Variants in AKT3 observed in about 807,000 individuals in gnomAD.
The protein encoded by AKT3 is AKT serine/threonine kinase 3.
In AKT3, 15 loss-of-function variants were observed where a neutral mutation model predicts 65.3. The observed-to-expected ratio is 0.23, with a 90% confidence interval of 0.15 to 0.35. The LOEUF is 0.35. AKT3 is among the 10% of genes least tolerant of loss of function. The pLI is 1.00. For synonymous variants in AKT3, 206 were observed against 183.8 expected, an observed-to-expected ratio of 1.12 and a Z score of -0.98; for missense variants, 243 against 576.5, an observed-to-expected ratio of 0.42 and a Z score of 5.92.
intron 10 of AKT3, among the ~76,000 whole-genome samples, chr1:243,560,003 G>A (rs779249158): frequency 2.0e-5 from 3 of 152,026 alleles, no homozygotes; most frequent in Admixed American, 6.6e-5. Context: ...TCACAGTATC[G>A]CCTTGCTCTC....
At chr1:243,579,595 T>C (rs1675188130) in intron 8 of AKT3, among the ~76,000 whole-genome samples, 1 of 152,196 alleles carries the variant, frequency 6.6e-6, no homozygotes, top group African/African-American at 2.4e-5. Context: ...TAATACACCA[T>C]TCCTTTAAAA....
rs192440210 is a variant in AKT3, at chr1:243,782,772, A to G, written c.46+60353T>C. ...CTTTAACACCATACACAATACACGT[A>G]TGGGCACTCACGCATGCACACATAC... is the stretch of plus-strand genomic sequence containing the variant. On this transcript the variant is annotated intron_variant, in intron 2 of 13. Coordinates refer to ENST00000673466, the MANE Select transcript of AKT3 (RefSeq NM_005465.7). 2.0e-4 allele frequency among the ~76,000 whole-genome samples: 31 copies of G among 152,298 alleles called. No homozygotes were observed. The East Asian group carries it at 6.0e-3, about 29-fold the overall frequency.
chr1:243,802,811 T>A (rs893703480), intron 2 of AKT3, among the ~76,000 whole-genome samples: 9 of 152,156 alleles, frequency 5.9e-5, no homozygotes, highest in African/African-American at 2.2e-4. Flanking sequence ...TTCATTCACA[T>A]CCAGTGCTTT....
chr1:243,651,085 G>C lies in AKT3; in HGVS notation c.285-5048C>G, dbSNP rs188292057. ...GTGTCCTCTTATTTCCTTGAGCAGT[G>C]GTTTGTAGTTCTCCTTGAAGAGGTC... On this transcript the variant is annotated intron_variant, in intron 4 of 13. Coordinates refer to ENST00000673466, the MANE Select transcript of AKT3 (RefSeq NM_005465.7). Among the ~76,000 whole-genome samples, 245 of 152,202 alleles carry C rather than the reference G, an allele frequency of 1.6e-3. 1 individual carries two copies. Among genetic ancestry groups the C allele is most frequent in the Non-Finnish European group, 2.8e-3 (191 of 68,006 alleles).
At chr1:243,850,595 C>G (rs1211389123), upstream of AKT3, among the ~76,000 whole-genome samples, 6 of 151,442 alleles carry the variant, frequency 4.0e-5, no homozygotes, top group African/African-American at 1.5e-4. Context: ...GATCGGTTCT[C>G]GCCGTCGCCG....
chr1:243,495,243 G>A (rs562875446), downstream of AKT3, among the ~76,000 whole-genome samples: 33 of 152,364 alleles, frequency 2.2e-4, no homozygotes, highest in African/African-American at 7.2e-4. Context: ...TGGCCTGTGC[G>A]GGGCCGCCTC....
rs983264390 is a variant in AKT3 at position 243,649,227 on chromosome 1, G to A, written c.285-3190C>T. ...CTGTTATTGATTTCTAATTAATTCT[G>A]TGGATTACAGAACATACACCATATA... On this transcript the variant is annotated intron_variant, in intron 4 of 13. Coordinates refer to ENST00000673466, the MANE Select transcript of AKT3 (RefSeq NM_005465.7). 4.0e-5 allele frequency among the ~76,000 whole-genome samples: 6 copies of A among 151,772 alleles called. No individual in the cohort carries two copies. The East Asian group carries it at 7.7e-4, about 20-fold the overall frequency.
intron 3 of AKT3, among the ~76,000 whole-genome samples, chr1:243,689,257 G>C (rs926677578): frequency 2.6e-5 from 4 of 151,956 alleles, no homozygotes; most frequent in Admixed American, 6.6e-5. Context: ...GAATTATTAT[G>C]ATCTCTCATA....
chr1:243,496,698 G>A (rs750468484), downstream of AKT3, among the ~76,000 whole-genome samples: 1 of 152,220 alleles, frequency 6.6e-6, no homozygotes, highest in Non-Finnish European at 1.5e-5. Context: ...TGGGAACAAA[G>A]CAGCAGCAAA....
chr1:243,792,920 T>C (rs943862790), intron 2 of AKT3, among the ~76,000 whole-genome samples: 2 of 152,316 alleles, frequency 1.3e-5, no homozygotes, highest in East Asian at 1.9e-4. Context: ...CAACACCCCG[T>C]ATAAACCCAG....
intron 8 of AKT3, among the ~76,000 whole-genome samples, chr1:243,583,665 G>T (rs1039264926): frequency 7.2e-5 from 11 of 151,786 alleles, no homozygotes; most frequent in Non-Finnish European, 1.3e-4. Flanking sequence ...TACCAAGAAG[G>T]TATCTCAAAA....
chr1:243,747,218 A>G (rs1184251904), intron 2 of AKT3, among the ~76,000 whole-genome samples: 2 of 152,228 alleles, frequency 1.3e-5, no homozygotes, highest in African/African-American at 4.8e-5. Context: ...ATATTCCTAA[A>G]AAGAAATATA....
intron 1 of AKT3, 85 bp downstream of exon 1, chr1:243,849,955 C>A (rs901405064): frequency 3.2e-6 from 3 of 935,902 alleles, no homozygotes; most frequent in Non-Finnish European, 2.5e-6. Context: ...CTGAGGGAGG[C>A]AGGGAGGGCG....
downstream of AKT3, among the ~76,000 whole-genome samples, chr1:243,498,090 G>A (rs202107136): frequency 6.6e-6 from 1 of 152,220 alleles, no homozygotes; most frequent in East Asian, 1.9e-4. Context: ...GAGGCCACCA[G>A]GCCACCTGCC....
chr1:243,835,299 T>C (rs1694823911), intron 2 of AKT3, among the ~76,000 whole-genome samples: 1 of 152,102 alleles, frequency 6.6e-6, no homozygotes, highest in Non-Finnish European at 1.5e-5. Flanking sequence ...GGTTGTACTT[T>C]AGAGAGTATA....
At position 243,723,481 on chromosome 1, in the gene AKT3, C is replaced by T. The variant is rs575040035; in HGVS notation, c.47-27765G>A. 6.2e-4 allele frequency among the ~76,000 whole-genome samples: 94 copies of T among 152,262 alleles called. 1 individual carries two copies. The South Asian group carries it at 0.014, about 22-fold the overall frequency. On this transcript the variant is annotated intron_variant, in intron 2 of 13. Transcript: ENST00000673466. ...TTCTCTAGAAATTATAGATAATTCA[C>T]TATGTCATATTAATACTTCTCACTT...
chr1:243,590,720 C>G (rs2148549955), intron 8 of AKT3, among the ~76,000 whole-genome samples: 1 of 152,148 alleles, frequency 6.6e-6, no homozygotes, highest in South Asian at 2.1e-4. Context: ...AATGTGAAAT[C>G]ATAGCTAAAG....
intron 9 of AKT3, among the ~76,000 whole-genome samples, chr1:243,568,616 GT>G (rs1674346025): frequency 6.6e-6 from 1 of 152,170 alleles, no homozygotes; most frequent in African/African-American, 2.4e-5. Context: ...GCACAAAATT[GT>G]AACAAAAATT....
chr1:243,775,095 TCAAG>T (rs1462282501), intron 2 of AKT3, among the ~76,000 whole-genome samples: 1 of 152,124 alleles, frequency 6.6e-6, no homozygotes, highest in Non-Finnish European at 1.5e-5. Context: ...ACTTCTGAAC[TCAAG>T]CAATCCTCCT....
Sources: allele counts gnomAD v4.1 joint callset (sites outside exome capture counted in the v4.1 genomes callset), GRCh38; gene constraint gnomAD v4.1.1; transcripts MANE v1.5; gene names NCBI Gene and HGNC (gene_info 2026-07-23, HGNC 2026-07-21).